The following CSMD1 variants were observed in gnomAD, a reference collection of about 807,000 sequenced individuals.
The protein encoded by CSMD1 is CUB and sushi domain-containing protein 1.
A neutral mutation model predicts 417.5 loss-of-function variants in CSMD1; 213 were observed. That is an observed-to-expected ratio of 0.51 (90% CI 0.46 to 0.57). The LOEUF is 0.57. Among genes scored for constraint, CSMD1 ranks in the 20% least tolerant of loss-of-function variants. CSMD1 has a pLI of 0.00. For missense variants in CSMD1, 6,923 were observed against 4,529.7 expected (o/e 1.53, Z -15.17); for synonymous variants, 2,862 against 1,736.8 (o/e 1.65, Z -16.11).
chr8:2,974,655 A>G (rs377326682), intron 55 of CSMD1, 31 bp from the exon 56 acceptor site: 5 of 1,505,986 alleles, frequency 3.3e-6, no homozygotes, highest in African/African-American at 2.8e-5. Flanking sequence ...AATTGAGTAC[A>G]TCCTTCCAGT....
At chr8:3,453,986 C>T (rs1393754775) in intron 12 of CSMD1, among the ~76,000 whole-genome samples, 1 of 152,162 alleles carries the variant, frequency 6.6e-6, no homozygotes, top group East Asian at 1.9e-4. Context: ...CTTTATGAAT[C>T]TGGGTGCTCC....
chr8:3,738,419 C>G (rs1190228966), intron 6 of CSMD1, among the ~76,000 whole-genome samples: 1 of 152,158 alleles, frequency 6.6e-6, no homozygotes, highest in East Asian at 1.9e-4. Flanking sequence ...GTTGTCACAC[C>G]TTTTATTTAT....
chr8:3,107,502 A>G (rs1461211707), intron 45 of CSMD1, among the ~76,000 whole-genome samples: 2 of 152,220 alleles, frequency 1.3e-5, no homozygotes, highest in Admixed American at 6.5e-5. Context: ...AAAACAAAAA[A>G]AAATCATGGT....
At chr8:3,406,519 T>C (rs957064922) in intron 14 of CSMD1, among the ~76,000 whole-genome samples, 3 of 152,138 alleles carry the variant, frequency 2.0e-5, no homozygotes, top group Non-Finnish European at 4.4e-5. Flanking sequence ...TGGTGGGTGG[T>C]AGAAAGTGTC....
chr8:4,122,335 C>G (rs1001245929), intron 3 of CSMD1, among the ~76,000 whole-genome samples: 1 of 152,020 alleles, frequency 6.6e-6, no homozygotes, highest in African/African-American at 2.4e-5. Flanking sequence ...GGATATTTAA[C>G]CCAAGAAGAA....
intron 2 of CSMD1, among the ~76,000 whole-genome samples, chr8:4,579,870 T>A (rs757069298): frequency 7.2e-5 from 11 of 152,224 alleles, no homozygotes; most frequent in Non-Finnish European, 1.0e-4. Context: ...TGTAAAACTT[T>A]ACCTAGTTTT....
At chr8:4,501,726 T>C (rs940970303) in intron 2 of CSMD1, among the ~76,000 whole-genome samples, 2 of 152,208 alleles carry the variant, frequency 1.3e-5, no homozygotes, top group African/African-American at 2.4e-5. Context: ...TTAGTAGCCA[T>C]ATGGCTTTTC....
intron 5 of CSMD1, among the ~76,000 whole-genome samples, chr8:3,799,973 G>C (rs1005343413): frequency 6.6e-6 from 1 of 152,128 alleles, no homozygotes; most frequent in Non-Finnish European, 1.5e-5. Flanking sequence ...TGGGGTATAA[G>C]CATTTCACTC....
At chr8:4,554,285 C>T (rs566829984) in intron 2 of CSMD1, among the ~76,000 whole-genome samples, 16 of 152,016 alleles carry the variant, frequency 1.1e-4, no homozygotes, top group African/African-American at 3.6e-4. Context: ...TACAGGCATG[C>T]GTCACGATGC....
intron 9 of CSMD1, among the ~76,000 whole-genome samples, chr8:3,584,228 C>G (rs75773244): frequency 6.6e-6 from 1 of 152,042 alleles, no homozygotes; most frequent in African/African-American, 2.4e-5. Context: ...TCAGTAAGAA[C>G]AGAAGATTGA....
rs115256335 is a variant in CSMD1, at chr8:4,072,117, G to C, written c.416-40018C>G. Reference sequence around the variant, plus strand: ...ATCAAAAAATGGATGATTCGCTATAGGCTGTTCAACTCCTTCGGAATCTGC... The same window carrying C: ...ATCAAAAAATGGATGATTCGCTATACGCTGTTCAACTCCTTCGGAATCTGC... On this transcript the variant is annotated intron_variant, in intron 3 of 69. Coordinates refer to ENST00000635120, the MANE Select transcript of CSMD1 (RefSeq NM_033225.6). Among the ~76,000 whole-genome samples, 379 of 152,258 alleles carry C rather than the reference G, an allele frequency of 2.5e-3. 2 individuals carry two copies. Among genetic ancestry groups the C allele is most frequent in the African/African-American group, 8.5e-3 (351 of 41,532 alleles).
At chr8:4,114,797 G>A (rs1208208046) in intron 3 of CSMD1, among the ~76,000 whole-genome samples, 1 of 152,134 alleles carries the variant, frequency 6.6e-6, no homozygotes, top group Admixed American at 6.5e-5. Flanking sequence ...CTGCAGATGT[G>A]GTAGAAATAG....
chr8:4,827,526 C>T (rs1799904900), intron 1 of CSMD1, among the ~76,000 whole-genome samples: 1 of 152,126 alleles, frequency 6.6e-6, no homozygotes, highest in Non-Finnish European at 1.5e-5. Flanking sequence ...AATTTTCCAC[C>T]AAGTTTCTTG....
intron 5 of CSMD1, among the ~76,000 whole-genome samples, chr8:3,934,722 G>T (rs541734581): frequency 1.3e-5 from 2 of 151,936 alleles, no homozygotes; most frequent in Admixed American, 6.6e-5. Flanking sequence ...GGGCATGGTG[G>T]TGCACTCCCA....
chr8:3,519,619 C>T (rs767284303), intron 10 of CSMD1, among the ~76,000 whole-genome samples: 28 of 152,122 alleles, frequency 1.8e-4, no homozygotes, highest in Non-Finnish European at 2.6e-4. Context: ...GGCAATGTGC[C>T]ACTCAGCTAT....
intron 5 of CSMD1, among the ~76,000 whole-genome samples, chr8:3,912,534 T>C (rs1002065170): frequency 6.6e-6 from 1 of 152,150 alleles, no homozygotes; most frequent in Non-Finnish European, 1.5e-5. Context: ...CAGAGGGGGC[T>C]GGTTAATCTT....
At chr8:4,987,628 G>A (rs551786897) in intron 1 of CSMD1, among the ~76,000 whole-genome samples, 3 of 152,268 alleles carry the variant, frequency 2.0e-5, no homozygotes, top group African/African-American at 7.2e-5. Context: ...AAAATATTGA[G>A]TGTCAACATG....
intron 3 of CSMD1, among the ~76,000 whole-genome samples, chr8:4,280,375 C>T (rs1055385158): frequency 5.9e-5 from 9 of 152,080 alleles, no homozygotes; most frequent in Admixed American, 2.0e-4. Context: ...TGAATAGACA[C>T]GACATGTTTT....
chr8:3,110,236 G>C lies in CSMD1; in HGVS notation c.6530C>G (p.Thr2177Arg), dbSNP rs762177917. Residue 2177 changes from threonine to arginine, a missense_variant, in exon 43 of 70, where the codon ACG becomes AGG. Transcript: ENST00000635120. ...PILKDCIWLITVPPGHGVYIN... is the reference protein window; with the variant it reads ...PILKDCIWLIRVPPGHGVYIN... ...GTAAACTCCGTGCCCTGGAGGCACC[G>C]TGATGAGCCAAATGCAGTCCTTCAG... The C allele has an allele frequency of 1.9e-6, 3 of 1,613,100 alleles. No individual in the cohort carries two copies. The highest frequency in any genetic ancestry group is 4.5e-5 in the East Asian group (2 of 44,864).
Sources: gnomAD v4.1 joint callset for allele counts (sites outside exome capture counted in the v4.1 genomes callset) on GRCh38, gnomAD v4.1.1 for gene constraint, MANE v1.5 for transcripts, NCBI Gene and HGNC (gene_info 2026-07-23, HGNC 2026-07-21) for gene names.